The following TCF20 variants were observed in gnomAD, a reference collection of about 807,000 sequenced individuals.
The protein encoded by TCF20 is transcription factor 20.
In TCF20, 3 loss-of-function variants were observed where a neutral mutation model predicts 148.6. The observed-to-expected ratio is 0.02, with a 90% confidence interval of 0.01 to 0.05. TCF20 has a LOEUF of 0.05. Among genes scored for constraint, TCF20 ranks in the 10% least tolerant of loss-of-function variants. The pLI, the probability that TCF20 is intolerant of heterozygous loss-of-function variation, is 1.00. For synonymous variants in TCF20, 1,049 were observed against 909.5 expected, an observed-to-expected ratio of 1.15 and a Z score of -2.76; for missense variants, 2,350 against 2,429.3, an observed-to-expected ratio of 0.97 and a Z score of 0.69.
intron 2 of TCF20, among the ~76,000 whole-genome samples, chr22:42,185,922 A>G (rs1169704056): frequency 6.6e-6 from 1 of 152,178 alleles, no homozygotes; most frequent in East Asian, 1.9e-4. Context: ...TTCCCAGTCA[A>G]CCTCAGAGGG....
Position 42,240,943 on chromosome 22 carries a change from C to G in TCF20, c.-36-25602G>C, listed in dbSNP as rs565019809. Among the ~76,000 whole-genome samples the G allele has an allele frequency of 2.6e-5, 4 of 152,244 alleles. No homozygotes were observed. The East Asian group carries it at 7.7e-4, about 29-fold the overall frequency. ...CCATCTCAGTTCACTGCGACCTCCG[C>G]CTCCCGGGTTCATACGACTCTCCTG... On this transcript the variant is annotated intron_variant, in intron 1 of 5. Coordinates refer to ENST00000677622, the MANE Select transcript of TCF20 (RefSeq NM_001378418.1).
At chr22:42,250,560 C>T (rs1925282030) in intron 1 of TCF20, among the ~76,000 whole-genome samples, 1 of 151,832 alleles carries the variant, frequency 6.6e-6, no homozygotes. Context: ...ACTGCACACA[C>T]AGTGATGACC....
chr22:42,303,920 G>C (rs1434434285), intron 1 of TCF20, among the ~76,000 whole-genome samples: 1 of 151,836 alleles, frequency 6.6e-6, no homozygotes, highest in African/African-American at 2.4e-5. Context: ...AGAGAGAATG[G>C]AGAAAGGGGA....
At chr22:42,282,884 G>A (rs1468533467) in intron 1 of TCF20, among the ~76,000 whole-genome samples, 1 of 124,586 alleles carries the variant, frequency 8.0e-6, no homozygotes, top group Non-Finnish European at 1.8e-5. Context: ...TAGAAAAAAA[G>A]GGAGGGCCAA....
chr22:42,306,277 C>A (rs1029640077), intron 1 of TCF20, among the ~76,000 whole-genome samples: 19 of 152,262 alleles, frequency 1.2e-4, no homozygotes, highest in Admixed American at 5.2e-4. Context: ...TTGCCACCTG[C>A]AATTCTCCTT....
chr22:42,175,794 C>T (rs997680700), intron 3 of TCF20, among the ~76,000 whole-genome samples: 5 of 152,084 alleles, frequency 3.3e-5, no homozygotes, highest in Non-Finnish European at 5.9e-5. Context: ...ACTCCCTGAA[C>T]TGACATTTCA....
chr22:42,268,416 T>C (rs1759406752), intron 1 of TCF20, among the ~76,000 whole-genome samples: 1 of 152,204 alleles, frequency 6.6e-6, no homozygotes, highest in South Asian at 2.1e-4. Context: ...AGGAGAAAGT[T>C]GGGGATGCAG....
intron 5 of TCF20, among the ~76,000 whole-genome samples, chr22:42,161,942 T>G (rs1935484982): frequency 6.9e-6 from 1 of 145,900 alleles, no homozygotes; most frequent in East Asian, 2.0e-4. Context: ...GGACTACAGG[T>G]ACACGCCACC....
chr22:42,246,100 C>A lies in TCF20; in HGVS notation c.-37+24239G>T, dbSNP rs564666047. Among the ~76,000 whole-genome samples, 7 of 152,172 alleles carry A rather than the reference C, an allele frequency of 4.6e-5. No homozygotes were observed. In the South Asian group the frequency reaches 1.5e-3, roughly 32 times the overall value. ...AATACTAGACCCAATTTGCTTAATTCTTTTTCTTTTTTCTTTTTTTTCTGA... is the reference window on the plus strand; with the variant it reads ...AATACTAGACCCAATTTGCTTAATTATTTTTCTTTTTTCTTTTTTTTCTGA... On this transcript the variant is annotated intron_variant, in intron 1 of 5. Transcript: ENST00000677622.
In TCF20 at chr22:42,297,553, G is replaced by A. The variant is rs1927258341; in HGVS notation, c.-37+45926C>T. Among the ~76,000 whole-genome samples, 1 of 152,210 alleles carries A rather than the reference G, an allele frequency of 6.6e-6. No homozygotes were observed. The highest frequency in any genetic ancestry group is 2.4e-5 in the African/African-American group (1 of 41,460). On this transcript the variant is annotated intron_variant, in intron 1 of 1. Transcript: ENST00000515426. The surrounding 1 kb of genome is among the most constrained non-coding windows in gnomAD (Gnocchi z 4.3). ...GGCTGGGCTGGAGGGGCCAGACACT[G>A]GGGAGGGGCAGTTCACAGGGTCAGC...
At chr22:42,263,665 G>A (rs1295785786) in intron 1 of TCF20, among the ~76,000 whole-genome samples, 2 of 152,178 alleles carry the variant, frequency 1.3e-5, no homozygotes, top group African/African-American at 4.8e-5. Flanking sequence ...TGGGGCCTAA[G>A]AAGACAACAC....
At chr22:42,318,894 C>A (rs1927682861) in intron 1 of TCF20, among the ~76,000 whole-genome samples, 1 of 152,188 alleles carries the variant, frequency 6.6e-6, no homozygotes, top group South Asian at 2.1e-4. Context: ...CCAGCTGAGG[C>A]CTGGGGCCAT....
intron 1 of TCF20, among the ~76,000 whole-genome samples, chr22:42,334,442 C>T (rs1928030887): frequency 6.6e-6 from 1 of 152,226 alleles, no homozygotes; most frequent in South Asian, 2.1e-4. Flanking sequence ...TCCTCCCCAT[C>T]ACCTGGGGGC....
At chr22:42,220,462 T>G (rs951739077) in intron 1 of TCF20, among the ~76,000 whole-genome samples, 1 of 152,236 alleles carries the variant, frequency 6.6e-6, no homozygotes, top group Admixed American at 6.5e-5. Flanking sequence ...CCTCCCAAAG[T>G]GCTAGAATTC....
chr22:42,228,373 G>A (rs1923097783), intron 1 of TCF20, among the ~76,000 whole-genome samples: 2 of 152,188 alleles, frequency 1.3e-5, no homozygotes. Flanking sequence ...TTAAACACAA[G>A]CCATGTGCCA....
At chr22:42,337,695 A>G (rs1445698223) in intron 1 of TCF20, among the ~76,000 whole-genome samples, 1 of 152,258 alleles carries the variant, frequency 6.6e-6, no homozygotes, top group Non-Finnish European at 1.5e-5. Flanking sequence ...AAAAAAGAGA[A>G]CATGTTGATT....
chr22:42,263,609 T>G (rs1569192905), intron 1 of TCF20, among the ~76,000 whole-genome samples: 1 of 152,208 alleles, frequency 6.6e-6, no homozygotes, highest in African/African-American at 2.4e-5. Flanking sequence ...AGTTTCTCCA[T>G]GTCACCTATT....
At position 42,215,393 on chromosome 22, in the gene TCF20, A is replaced by G; in HGVS notation, c.-36-52T>C. 2.0e-6 allele frequency: 3 copies of G among 1,508,780 alleles called. No individual in the cohort carries two copies. The Middle Eastern group carries it at 5.9e-4, about 297-fold the overall frequency. 93.5% of individuals were successfully genotyped at this position (1,508,780 alleles called of 1,614,324 possible). Reference sequence around the variant, plus strand: ...AGACACGCATCTCCTTGGTACAAATAAAATCAAGTCTAGATGATGGAGGGA... The same window carrying G: ...AGACACGCATCTCCTTGGTACAAATGAAATCAAGTCTAGATGATGGAGGGA... On this transcript the variant is annotated intron_variant, in intron 1 of 5. Transcript: ENST00000677622.
At chr22:42,288,877 T>C (rs1295692199), upstream of TCF20, among the ~76,000 whole-genome samples, 1 of 152,184 alleles carries the variant, frequency 6.6e-6, no homozygotes. Flanking sequence ...CCAAGGGCAG[T>C]GCAGGCCTGG....
Sources: allele counts gnomAD v4.1 joint callset (sites outside exome capture counted in the v4.1 genomes callset), GRCh38; gene constraint gnomAD v4.1.1; non-coding constraint Gnocchi (gnomAD v3.1); transcripts MANE v1.5; gene names NCBI Gene and HGNC (gene_info 2026-07-23, HGNC 2026-07-21).